Variants in FAM210A observed in about 807,000 individuals in gnomAD.
FAM210A encodes mitochondrial inner membrane scaffold 1.
In FAM210A, 13 loss-of-function variants were observed where a neutral mutation model predicts 25.3. That is an observed-to-expected ratio of 0.51 (90% confidence interval 0.33 to 0.82). The LOEUF (loss-of-function observed/expected upper bound fraction) is 0.82, where lower values mean the gene tolerates loss of function less well. FAM210A is among the 40% of genes least tolerant of loss of function. FAM210A has a pLI of 0.02. For missense variants in FAM210A, 319 were observed against 323.2 expected (o/e 0.99, Z 0.10); for synonymous variants, 125 against 118.7 (o/e 1.05, Z -0.35).
chr18:13,720,639 T>C (rs2043891143), intron 1 of FAM210A, among the ~76,000 whole-genome samples: 1 of 152,136 alleles, frequency 6.6e-6, no homozygotes, highest in South Asian at 2.1e-4. Flanking sequence ...ATCAGCATAA[T>C]GTCATCAATG....
At chr18:13,723,671 T>G (rs2043913492) in intron 1 of FAM210A, among the ~76,000 whole-genome samples, 1 of 152,216 alleles carries the variant, frequency 6.6e-6, no homozygotes, top group Non-Finnish European at 1.5e-5. Flanking sequence ...AACCACGTCT[T>G]CAGAATACCA....
chr18:13,670,144 G>T (rs1601938860), intron 3 of FAM210A, among the ~76,000 whole-genome samples: 2 of 152,180 alleles, frequency 1.3e-5, no homozygotes, highest in South Asian at 2.1e-4. Context: ...AAACAAGAAA[G>T]AAGACATGAT....
At chr18:13,693,203 C>A (rs1340590521) in intron 1 of FAM210A, among the ~76,000 whole-genome samples, 1 of 152,102 alleles carries the variant, frequency 6.6e-6, no homozygotes, top group Non-Finnish European at 1.5e-5. Context: ...ACCAGGAAGA[C>A]ACTGAATCCC....
chr18:13,667,724 A>G (rs2043412414), intron 3 of FAM210A, among the ~76,000 whole-genome samples: 1 of 150,846 alleles, frequency 6.6e-6, no homozygotes, highest in Non-Finnish European at 1.5e-5. Flanking sequence ...CTCTCAAAAC[A>G]AAACAAAACA....
chr18:13,666,742 CA>C (rs1351755861), intron 3 of FAM210A, 29 bp from the exon 4 acceptor site: 1 of 1,582,282 alleles, frequency 6.3e-7, no homozygotes. Flanking sequence ...AGAGGCAAAT[CA>C]AAACCTGGTT....
At chr18:13,693,995 C>T (rs2043671685) in intron 1 of FAM210A, among the ~76,000 whole-genome samples, 1 of 152,180 alleles carries the variant, frequency 6.6e-6, no homozygotes, top group South Asian at 2.1e-4. Flanking sequence ...ATCGTCTCAG[C>T]CCAAAATCTC....
intron 1 of FAM210A, among the ~76,000 whole-genome samples, chr18:13,694,179 G>C (rs575888125): frequency 6.0e-4 from 92 of 152,148 alleles, no homozygotes; most frequent in Non-Finnish European, 1.2e-3. Flanking sequence ...GGATGTGAAG[G>C]ACCTCTTCAA....
At chr18:13,718,003 G>A (rs1174378244) in intron 1 of FAM210A, among the ~76,000 whole-genome samples, 2 of 152,258 alleles carry the variant, frequency 1.3e-5, no homozygotes, top group African/African-American at 2.4e-5. Context: ...ACTCATATAG[G>A]CACAAAAGAT....
At chr18:13,695,018 C>T (rs1219587290) in intron 1 of FAM210A, among the ~76,000 whole-genome samples, 3 of 152,088 alleles carry the variant, frequency 2.0e-5, no homozygotes, top group African/African-American at 7.2e-5. Context: ...AACAAACTTA[C>T]AAGAAAAAAT....
At chr18:13,674,186 CTTT>C (rs1214992293) in intron 2 of FAM210A, among the ~76,000 whole-genome samples, 5 of 146,724 alleles carry the variant, frequency 3.4e-5, no homozygotes, top group South Asian at 2.2e-4. Context: ...GCCCTGGCTT[CTTT>C]ATTTCCTGTT....
intron 1 of FAM210A, among the ~76,000 whole-genome samples, chr18:13,705,474 A>AT (rs200851923): frequency 0.041 from 6,244 of 151,688 alleles, 146 homozygotes; most frequent in Middle Eastern, 0.065. Context: ...TGCTAAAATA[A>AT]TTTTTTTTTC....
intron 2 of FAM210A, among the ~76,000 whole-genome samples, chr18:13,674,677 C>CTTT (rs566419811): frequency 0.024 from 338 of 14,028 alleles, no homozygotes; most frequent in Non-Finnish European, 0.036. Context: ...GCCCCGACTT[C>CTTT]ATTTCCAGTT....
Position 13,666,459 on chromosome 18 carries a change from T to TA in FAM210A, c.*20dup, listed in dbSNP as rs777894329. The TA allele has an allele frequency of 7.4e-5, 118 of 1,584,436 alleles. No individual in the cohort carries two copies. The highest frequency in any genetic ancestry group is 9.3e-5 in the Non-Finnish European group (108 of 1,156,602). On this transcript the variant is annotated 3_prime_UTR_variant, in exon 4 of 4. Transcript: ENST00000651643. ...AAAGGGTTAAAGTGCAGGAATTTTC[T>TA]ATACTGCTATATAAGGCACCTTATT... is the stretch of plus-strand genomic sequence containing the variant.
chr18:13,694,852 C>A (rs1415454367), intron 1 of FAM210A, among the ~76,000 whole-genome samples: 1 of 152,124 alleles, frequency 6.6e-6, no homozygotes, highest in African/African-American at 2.4e-5. Flanking sequence ...GCAACAAAAG[C>A]CAAAATTGAT....
At chr18:13,717,927 C>T (rs2043873606) in intron 1 of FAM210A, among the ~76,000 whole-genome samples, 1 of 152,214 alleles carries the variant, frequency 6.6e-6, no homozygotes, top group Non-Finnish European at 1.5e-5. Flanking sequence ...GACAGGGCCG[C>T]ATACGGGGAA....
intron 1 of FAM210A, among the ~76,000 whole-genome samples, chr18:13,703,257 T>C (rs2043754629): frequency 6.6e-6 from 1 of 152,220 alleles, no homozygotes; most frequent in African/African-American, 2.4e-5. Flanking sequence ...TAGGGATGTC[T>C]AGTGCCAGCT....
At chr18:13,690,985 C>T (rs1280551851) in intron 1 of FAM210A, among the ~76,000 whole-genome samples, 3 of 152,126 alleles carry the variant, frequency 2.0e-5, no homozygotes, top group Non-Finnish European at 2.9e-5. Context: ...TCGAACCCAT[C>T]GCAAAGAAGC....
At chr18:13,697,851 T>C (rs930654182) in intron 1 of FAM210A, among the ~76,000 whole-genome samples, 3 of 152,138 alleles carry the variant, frequency 2.0e-5, no homozygotes, top group Admixed American at 6.5e-5. Context: ...GATAAACAAA[T>C]TGTGGCACCT....
intron 1 of FAM210A, among the ~76,000 whole-genome samples, chr18:13,684,117 C>A (rs2149057842): frequency 6.6e-6 from 1 of 152,282 alleles, no homozygotes; most frequent in East Asian, 1.9e-4. Context: ...TGATACTGGG[C>A]TGGGAGCGGT....
Sources: allele counts gnomAD v4.1 joint callset (sites outside exome capture counted in the v4.1 genomes callset), GRCh38; gene constraint gnomAD v4.1.1; transcripts MANE v1.5; gene names NCBI Gene and HGNC (gene_info 2026-07-23, HGNC 2026-07-21).